Variants in ZNF468 observed in about 807,000 individuals in gnomAD.
ZNF468 encodes zinc finger protein ZNF468.
A neutral mutation model predicts 7.2 loss-of-function variants in ZNF468; 8 were observed. The ratio of observed to expected loss-of-function variants is 1.11; its 90% CI spans 0.65 to 2.01. ZNF468 has a LOEUF of 2.01. Among genes scored for constraint, ZNF468 ranks in the 30% most tolerant of loss-of-function variants. The pLI is 0.00. For synonymous variants in ZNF468, 218 were observed against 214.4 expected, an observed-to-expected ratio of 1.02 and a Z score of -0.15; for missense variants, 608 against 626.5, an observed-to-expected ratio of 0.97 and a Z score of 0.31.
rs1471803809 is a variant in ZNF468 at position 52,841,883 on chromosome 19, T to A, written c.411A>T (p.Lys137Asn). The A allele has an allele frequency of 6.2e-7, 1 of 1,614,144 alleles. No individual in the cohort carries two copies. The highest frequency in any genetic ancestry group is 8.5e-7 in the Non-Finnish European group (1 of 1,180,018). The change falls in exon 4 of 4, where the codon AAA becomes AAT. Residue 137 changes from lysine (K) to asparagine (N), a missense_variant. Coordinates refer to ENST00000595646, the MANE Select transcript of ZNF468 (RefSeq NM_001008801.2). ...DQRHAGNKRI[K>N]DQLGSSFHLH... ...AATGAAAGCTTGATCCAAGCTGATC[T>A]TTAATACGCTTGTTTCCAGCATGCC...
At position 52,840,797 on chromosome 19, in the gene ZNF468, C is replaced by T. The variant is rs1420290961; in HGVS notation, c.1497G>A (p.Glu499=). The T allele has an allele frequency of 1.9e-6, 3 of 1,608,856 alleles. No homozygotes were observed. The highest frequency in any genetic ancestry group is 8.5e-7 in the Non-Finnish European group (1 of 1,177,780). Residue 499 remains glutamate, a synonymous_variant, in exon 4 of 4, where the codon GAG becomes GAA. Coordinates refer to ENST00000595646, the MANE Select transcript of ZNF468 (RefSeq NM_001008801.2). The part of the protein sequence containing the change: ...HTGEKPYKCN[E]CGKTFSQMSS... ...ACATCTGACTGAAGGTCTTGCCACA[C>T]TCATTACACTTGTAAGGTTTCTCTC...
intron 2 of ZNF468, among the ~76,000 whole-genome samples, chr19:52,852,120 C>T (rs1360435041): frequency 6.6e-6 from 1 of 152,018 alleles, no homozygotes; most frequent in Non-Finnish European, 1.5e-5. Context: ...AATCTCAGCA[C>T]TTTGGGAGGC....
chr19:52,844,480 G>A (rs546851037), intron 3 of ZNF468, among the ~76,000 whole-genome samples: 2 of 152,014 alleles, frequency 1.3e-5, no homozygotes, highest in East Asian at 3.9e-4. Context: ...GTTTGTTTTT[G>A]AGATGGAGTC....
intron 1 of ZNF468, among the ~76,000 whole-genome samples, chr19:52,856,197 C>G (rs1316102271): frequency 1.3e-5 from 2 of 151,934 alleles, no homozygotes; most frequent in Admixed American, 1.3e-4. Flanking sequence ...AGCTGTAGAA[C>G]CAAGACATAA....
In ZNF468 at chr19:52,838,778, T is replaced by A. The variant is rs1018274864; in HGVS notation, c.*1947A>T. 6.6e-6 allele frequency: 1 copy of A among 152,180 alleles called. No individual in the cohort carries two copies. The highest frequency in any genetic ancestry group is 2.4e-5 in the African/African-American group (1 of 41,414). The allele number at this position is 152,180 out of a possible 1,614,324, so 9.4% of individuals were successfully genotyped here. A position where few individuals can be genotyped will look rare whatever the true frequency, so the allele number is the denominator to read the frequency against. ...AGTAAGAAATATTTAGGAATAAACA[T>A]AAAAAGTGAGGTTTGTACCTTGAAA... is the stretch of plus-strand genomic sequence containing the variant. On this transcript the variant is annotated 3_prime_UTR_variant, in exon 4 of 4. Transcript: ENST00000595646.
rs1318718264 is a variant in ZNF468 at position 52,841,359 on chromosome 19, G to A, written c.935C>T (p.Ser312Leu). 6 of 1,613,878 alleles carry A rather than the reference G, an allele frequency of 3.7e-6. No individual in the cohort carries two copies. The highest frequency in any genetic ancestry group is 5.1e-6 in the Non-Finnish European group (6 of 1,179,974). ...EECDKVFSRK[S>L]HLERHKRIHT... is the part of the protein sequence containing the mutation. ...AATCCTCTTATGTCTTTCAAGGTGT[G>A]ATTTGCGACTGAAAACTTTGTCACA... is the stretch of plus-strand genomic sequence containing the variant. The change falls in exon 4 of 4, where the codon TCA becomes TTA. Residue 312 changes from serine to leucine, a missense_variant. By Grantham distance (145) the Ser-to-Leu change is moderately radical. Transcript: ENST00000595646.
Position 52,839,742 on chromosome 19 carries a change from T to C in ZNF468, c.*983A>G, listed in dbSNP as rs1000139315. The C allele has an allele frequency of 1.4e-5, 7 of 512,282 alleles. No homozygotes were observed. Among genetic ancestry groups the C allele is most frequent in the East Asian group, 1.1e-4 (2 of 18,396 alleles). The allele number at this position is 512,282 out of a possible 1,614,324, so 31.7% of individuals were successfully genotyped here. A position where few individuals can be genotyped will look rare whatever the true frequency, so the allele number is the denominator to read the frequency against. On this transcript the variant is annotated 3_prime_UTR_variant, in exon 4 of 4. Coordinates refer to ENST00000595646, the MANE Select transcript of ZNF468 (RefSeq NM_001008801.2). ...TGTATGAATCCTCCTATGTTTTGCATAGGATGAAGCTTGACTGAAGACCTT... is the reference window on the plus strand; with the variant it reads ...TGTATGAATCCTCCTATGTTTTGCACAGGATGAAGCTTGACTGAAGACCTT...
intron 2 of ZNF468, among the ~76,000 whole-genome samples, chr19:52,850,646 TC>T (rs770651563): frequency 1.3e-5 from 2 of 152,056 alleles, no homozygotes; most frequent in African/African-American, 4.8e-5. Context: ...ACGCCTGTAA[TC>T]CCAGCACTTT....
At position 52,839,836 on chromosome 19, in the gene ZNF468, G is replaced by GA. The variant is rs1176636901; in HGVS notation, c.*888dup. The GA allele has an allele frequency of 3.5e-6, 2 of 572,154 alleles. No individual in the cohort carries two copies. Among genetic ancestry groups the GA allele is most frequent in the Admixed American group, 4.7e-5 (2 of 42,528 alleles). The allele number at this position is 572,154 out of a possible 1,614,324, so 35.4% of individuals were successfully genotyped here. ...CACCAGTGAAATGCAAGGCATGAAC[G>GA]ATGTCTGAAAAATTTGCCACATTTA... On this transcript the variant is annotated 3_prime_UTR_variant, in exon 4 of 4. Transcript: ENST00000595646.
rs1387254923 is a variant in ZNF468, at chr19:52,839,273, A to C, written c.*1452T>G. ...TCTCAAAAAAAAAACAAGAAAAAGA[A>C]AATAAAGGCTGGGAAAAGTAGCTCC... On this transcript the variant is annotated 3_prime_UTR_variant, in exon 4 of 4. Transcript: ENST00000595646. 1 of 171,874 alleles carries C rather than the reference A, an allele frequency of 5.8e-6. No individual in the cohort carries two copies. Among genetic ancestry groups the C allele is most frequent in the Non-Finnish European group, 1.2e-5 (1 of 80,562 alleles). 10.6% of individuals were successfully genotyped at this position (171,874 alleles called of 1,614,324 possible). A position where few individuals can be genotyped will look rare whatever the true frequency, so the allele number is the denominator to read the frequency against.
chr19:52,845,759 C>T (rs1039658451), intron 3 of ZNF468, among the ~76,000 whole-genome samples: 2 of 152,122 alleles, frequency 1.3e-5, no homozygotes, highest in African/African-American at 4.8e-5. Context: ...AATCCCAGCA[C>T]TTTGGGAGGA....
chr19:52,840,720 C>T lies in ZNF468; in HGVS notation c.*5G>A. The T allele has an allele frequency of 1.3e-5, 21 of 1,613,508 alleles. No individual in the cohort carries two copies. The highest frequency in any genetic ancestry group is 1.8e-5 in the Non-Finnish European group (21 of 1,179,634). ...ATGGAAGGTCTTGCCACACTCATTA[C>T]ACTATTAAGGCTTCTCTCCACTATG... On this transcript the variant is annotated 3_prime_UTR_variant, in exon 4 of 4. Transcript: ENST00000595646.
Position 52,847,400 on chromosome 19 carries a change from C to G in ZNF468, c.142+1687G>C, listed in dbSNP as rs1161407629. 2.1e-5 allele frequency among the ~76,000 whole-genome samples: 3 copies of G among 146,310 alleles called. 1 individual carries two copies. The highest frequency in any genetic ancestry group is 4.4e-4 in the South Asian group (2 of 4,524). On this transcript the variant is annotated intron_variant, in intron 3 of 3. Transcript: ENST00000595646. ...CCTGGGTATTGTCCAAGTTTCCCCCCACTGAGACAGCCTGAGATATGGCCT... is the reference window on the plus strand; with the variant it reads ...CCTGGGTATTGTCCAAGTTTCCCCCGACTGAGACAGCCTGAGATATGGCCT...
rs1332334641 is a variant in ZNF468 at position 52,838,538 on chromosome 19, A to G, written c.*2187T>C. 1 of 152,292 alleles carries G rather than the reference A, an allele frequency of 6.6e-6. No individual in the cohort carries two copies. The highest frequency in any genetic ancestry group is 2.1e-4 in the South Asian group (1 of 4,826). The allele number at this position is 152,292 out of a possible 1,614,324, so 9.4% of individuals were successfully genotyped here. On this transcript the variant is annotated 3_prime_UTR_variant, in exon 4 of 4. Transcript: ENST00000595646. ...GAAATCAAACTCATCCAAATCAGAA[A>G]GAAAGAAGTCAAATTTTATTTGTTT...
chr19:52,850,847 C>G (rs187488827), intron 2 of ZNF468, among the ~76,000 whole-genome samples: 4 of 151,530 alleles, frequency 2.6e-5, no homozygotes, highest in Non-Finnish European at 4.4e-5. Context: ...TGCAGTGAGC[C>G]GAGATCGCGC....
Position 52,849,106 on chromosome 19 carries a change from A to G in ZNF468, c.123T>C (p.Tyr41=), listed in dbSNP as rs12462241. The part of the protein sequence containing the change: ...TLYRDVMLEN[Y]RNLVSLDISS... ...CCTCACCCAGGGAGACGAGGTTCCTATAATTCTCCAGCATCACGTCCCTGT... is the reference window on the plus strand; with the variant it reads ...CCTCACCCAGGGAGACGAGGTTCCTGTAATTCTCCAGCATCACGTCCCTGT... The change falls in exon 3 of 4, where the codon TAT becomes TAC. Residue 41 remains tyrosine, a synonymous_variant. Transcript: ENST00000595646. 136,589 of 1,613,592 alleles carry G rather than the reference A, an allele frequency of 0.085. 6,255 individuals are homozygous for G. Among genetic ancestry groups the G allele is most frequent in the South Asian group, 0.1 (9,201 of 91,036 alleles).
chr19:52,841,753 A>G lies in ZNF468; in HGVS notation c.541T>C (p.Cys181Arg). 2.5e-6 allele frequency: 4 copies of G among 1,614,134 alleles called. No individual in the cohort carries two copies. Among genetic ancestry groups the G allele is most frequent in the Non-Finnish European group, 3.4e-6 (4 of 1,180,020 alleles). ...ASSVSTSQRICCRPKTHISNK... is the reference protein window; with the variant it reads ...ASSVSTSQRIRCRPKTHISNK... ...GAAATATGGGTTTTGGGCCTACAAC[A>G]AATTCTTTGGGATGTTGAAACTGAG... The change falls in exon 4 of 4, where the codon TGT becomes CGT. Residue 181 changes from cysteine to arginine, a missense_variant. Cys to Arg is a radical substitution (Grantham distance 180, BLOSUM62 -3). Coordinates refer to ENST00000595646, the MANE Select transcript of ZNF468 (RefSeq NM_001008801.2).
chr19:52,843,730 C>G (rs2063322957), intron 3 of ZNF468, among the ~76,000 whole-genome samples: 1 of 152,192 alleles, frequency 6.6e-6, no homozygotes, highest in Non-Finnish European at 1.5e-5. Context: ...AAAACTTGTA[C>G]TTATCACCAG....
chr19:52,840,847 T>C lies in ZNF468; in HGVS notation c.1447A>G (p.Ile483Val), dbSNP rs1224735336. The C allele has an allele frequency of 3.8e-6, 6 of 1,594,418 alleles. No homozygotes were observed. The highest frequency in any genetic ancestry group is 5.1e-6 in the Non-Finnish European group (6 of 1,171,248). The change falls in exon 4 of 4, where the codon ATA becomes GTA. Residue 483 changes from isoleucine to valine, a missense_variant. Ile to Val is a conservative substitution (Grantham distance 29, BLOSUM62 3). Coordinates refer to ENST00000595646, the MANE Select transcript of ZNF468 (RefSeq NM_001008801.2). ...CCAGTATGAAGCCTACGATGGATTA[T>C]AAGCGATGATGTCTGACCGAAGGTC... ...GKTFGQTSSL[I>V]IHRRLHTGEK...
Sources: allele counts gnomAD v4.1 joint callset (sites outside exome capture counted in the v4.1 genomes callset), GRCh38; gene constraint gnomAD v4.1.1; transcripts MANE v1.5; gene names NCBI Gene and HGNC (gene_info 2026-07-23, HGNC 2026-07-21).